The following FNBP1 variants were observed in gnomAD, a reference collection of about 807,000 sequenced individuals.
FNBP1 encodes the protein formin binding protein 1, also known as formin-binding protein 1.
A neutral mutation model predicts 90.6 loss-of-function variants in FNBP1; 26 were observed. The observed-to-expected ratio is 0.29, with a 90% CI of 0.21 to 0.40. The LOEUF (loss-of-function observed/expected upper bound fraction) is 0.40, where lower values mean the gene tolerates loss of function less well. Ranked by LOEUF, FNBP1 falls within the 10% of genes least tolerant of loss-of-function variation. The probability of loss-of-function intolerance (pLI) is 1.00; values close to 1 mark genes in which losing one functional copy is unlikely to be tolerated. For synonymous variants in FNBP1, 260 were observed against 265.2 expected, an observed-to-expected ratio of 0.98 and a Z score of 0.19; for missense variants, 635 against 768.0, an observed-to-expected ratio of 0.83 and a Z score of 2.05.
chr9:129,990,193 C>A (rs964103214), intron 2 of FNBP1, among the ~76,000 whole-genome samples: 2 of 151,958 alleles, frequency 1.3e-5, no homozygotes, highest in African/African-American at 2.4e-5. Flanking sequence ...ATCATGTATA[C>A]CATAAATATA....
chr9:130,003,965 A>G (rs897869191), intron 1 of FNBP1, among the ~76,000 whole-genome samples: 1 of 147,682 alleles, frequency 6.8e-6, no homozygotes, highest in African/African-American at 2.5e-5. Flanking sequence ...TTTTGCTCAA[A>G]TTATGCAGAA....
intron 12 of FNBP1, among the ~76,000 whole-genome samples, chr9:129,906,592 A>G (rs932295895): frequency 8.5e-5 from 13 of 152,170 alleles, no homozygotes; most frequent in African/African-American, 3.1e-4. Flanking sequence ...CATGATTGTG[A>G]GGCCTCCCTA....
rs1032989273 is a variant in FNBP1, at chr9:129,966,461, G to C, written c.346-7908C>G. ...AAGGAAGTGACAGCCGGATGCAGTG[G>C]CTCACGCCTGTAATCCCAGCACTTT... is the stretch of plus-strand genomic sequence containing the variant. On this transcript the variant is annotated intron_variant, in intron 4 of 16. Transcript: ENST00000446176. This position sits in a 1 kb window ranked among gnomAD's most constrained non-coding sequence, Gnocchi z 4.3. Among the ~76,000 whole-genome samples the C allele has an allele frequency of 2.6e-5, 4 of 152,160 alleles. No individual in the cohort carries two copies. The highest frequency in any genetic ancestry group is 9.7e-5 in the African/African-American group (4 of 41,432).
chr9:129,898,942 G>A (rs538706815), intron 15 of FNBP1, among the ~76,000 whole-genome samples: 15 of 151,956 alleles, frequency 9.9e-5, no homozygotes, highest in South Asian at 2.1e-4. Flanking sequence ...CCTCCCTATC[G>A]TCTGCTGCAG....
At chr9:130,018,972 C>T (rs1391129940) in intron 1 of FNBP1, among the ~76,000 whole-genome samples, 1 of 152,074 alleles carries the variant, frequency 6.6e-6, no homozygotes, top group African/African-American at 2.4e-5. Flanking sequence ...CGCCTGTAAT[C>T]CCAGCACTTT....
chr9:129,963,272 C>T (rs185079122), intron 4 of FNBP1, among the ~76,000 whole-genome samples: 104 of 152,138 alleles, frequency 6.8e-4, no homozygotes, highest in Middle Eastern at 6.8e-3. Flanking sequence ...CAATGACAGG[C>T]ATTGCCTGGG....
intron 2 of FNBP1, among the ~76,000 whole-genome samples, chr9:129,980,054 C>T (rs2050939231): frequency 6.6e-6 from 1 of 151,412 alleles, no homozygotes. Context: ...AAAACTGTGT[C>T]CAAATGTTTA....
chr9:129,927,482 C>G (rs559611386), intron 7 of FNBP1, 141 bp from the exon 8 acceptor site: 7 of 694,126 alleles, frequency 1.0e-5, no homozygotes, highest in South Asian at 4.0e-5. Flanking sequence ...GTACACGGAG[C>G]CTCCATATTA....
chr9:130,040,303 C>T (rs2059706353), intron 1 of FNBP1, among the ~76,000 whole-genome samples: 1 of 152,184 alleles, frequency 6.6e-6, no homozygotes, highest in African/African-American at 2.4e-5. Flanking sequence ...TACTCAAAGG[C>T]AAATGCTGGT....
chr9:130,006,451 T>A (rs1047247290), intron 1 of FNBP1, among the ~76,000 whole-genome samples: 1 of 152,052 alleles, frequency 6.6e-6, no homozygotes, highest in Admixed American at 6.6e-5. Context: ...GCTGAGATTA[T>A]GCCACTGCAC....
chr9:130,015,452 G>T (rs1173504695), intron 1 of FNBP1, among the ~76,000 whole-genome samples: 1 of 152,044 alleles, frequency 6.6e-6, no homozygotes, highest in Non-Finnish European at 1.5e-5. Flanking sequence ...TAGACTCCCT[G>T]TCCAATCAGA....
chr9:129,918,998 C>CTTT (rs5900875), intron 10 of FNBP1: 148 of 153,290 alleles, frequency 9.7e-4, no homozygotes, highest in South Asian at 3.1e-3. Flanking sequence ...TTAGGCTTTT[C>CTTT]TTTTTTTTTT....
At chr9:129,905,602 C>T (rs1425890452) in intron 12 of FNBP1, among the ~76,000 whole-genome samples, 2 of 152,114 alleles carry the variant, frequency 1.3e-5, no homozygotes, top group Non-Finnish European at 2.9e-5. Flanking sequence ...AGCCACCATG[C>T]CCAGCCGCTT....
chr9:130,039,242 T>TA (rs1355022227), intron 1 of FNBP1, among the ~76,000 whole-genome samples: 1 of 152,242 alleles, frequency 6.6e-6, no homozygotes, highest in Non-Finnish European at 1.5e-5. Flanking sequence ...TAATGTAACT[T>TA]ACAACAGATT....
intron 4 of FNBP1, among the ~76,000 whole-genome samples, chr9:129,977,388 A>C (rs2050496070): frequency 6.6e-6 from 1 of 152,164 alleles, no homozygotes; most frequent in African/African-American, 2.4e-5. Flanking sequence ...AGGAACAATA[A>C]GGTTTGCTTC....
At position 130,041,196 on chromosome 9, in the gene FNBP1, A is replaced by G. The variant is rs1232092541; in HGVS notation, c.24+1756T>C. 6.6e-6 allele frequency among the ~76,000 whole-genome samples: 1 copy of G among 151,984 alleles called. No individual in the cohort carries two copies. Among genetic ancestry groups the G allele is most frequent in the African/African-American group, 2.4e-5 (1 of 41,402 alleles). On this transcript the variant is annotated intron_variant, in intron 1 of 16. Coordinates refer to ENST00000446176, the MANE Select transcript of FNBP1 (RefSeq NM_015033.3). This position sits in a 1 kb window ranked among gnomAD's most constrained non-coding sequence, Gnocchi z 4.3. ...CTTCCTTCCCACTTCTGCACCCTCA[A>G]AAAGAAATGTACAGAATAATGCAAG...
At chr9:130,007,218 GGC>G (rs1186245612) in intron 1 of FNBP1, among the ~76,000 whole-genome samples, 1 of 111,016 alleles carries the variant, frequency 9.0e-6, no homozygotes, top group Non-Finnish European at 1.7e-5. Flanking sequence ...TTCCAGCCTG[GGC>G]AACAGAGTGA....
rs1273973449 is a variant in FNBP1, at chr9:129,888,767, A to G, written c.*1772T>C. 2.6e-5 allele frequency: 6 copies of G among 233,012 alleles called. No homozygotes were observed. The highest frequency in any genetic ancestry group is 5.1e-5 in the Non-Finnish European group (6 of 118,010). The allele number at this position is 233,012 out of a possible 1,614,324, so 14.4% of individuals were successfully genotyped here. On this transcript the variant is annotated 3_prime_UTR_variant, in exon 17 of 17. Coordinates refer to ENST00000446176, the MANE Select transcript of FNBP1 (RefSeq NM_015033.3). ...GCTCCGGAAGGGTGGTGTGTGGTCA[A>G]CCTTGGTTGGCTGAGAGGAGCAATT...
chr9:129,888,697 C>T lies in FNBP1; in HGVS notation c.*1842G>A, dbSNP rs2034884319. ...TCCTCTTCACCTGCCTGGGCCTCAG[C>T]GTCTCTGCGCTTGTGGTTTCTCGTC... On this transcript the variant is annotated 3_prime_UTR_variant, in exon 17 of 17. Transcript: ENST00000446176. The T allele has an allele frequency of 4.3e-6, 1 of 233,162 alleles. No homozygotes were observed. Among genetic ancestry groups the T allele is most frequent in the Non-Finnish European group, 8.5e-6 (1 of 117,980 alleles). The allele number at this position is 233,162 out of a possible 1,614,324, so 14.4% of individuals were successfully genotyped here. A position where few individuals can be genotyped will look rare whatever the true frequency, so the allele number is the denominator to read the frequency against.
Sources: gnomAD v4.1 joint callset for allele counts (sites outside exome capture counted in the v4.1 genomes callset) on GRCh38, gnomAD v4.1.1 for gene constraint, Gnocchi (gnomAD v3.1) non-coding constraint, MANE v1.5 for transcripts, NCBI Gene and HGNC (gene_info 2026-07-23, HGNC 2026-07-21) for gene names.